Variants in TMPRSS15 observed in about 807,000 individuals in gnomAD.
The protein encoded by TMPRSS15 is enteropeptidase.
TMPRSS15 carries 128 observed loss-of-function variants against 125.3 expected under a neutral mutation model. That is an observed-to-expected ratio of 1.02 (90% CI 0.89 to 1.18). The LOEUF (loss-of-function observed/expected upper bound fraction) is 1.18, where lower values mean the gene tolerates loss of function less well. Ranked by LOEUF, TMPRSS15 falls within the 50% of genes most tolerant of loss-of-function variation. The probability of loss-of-function intolerance (pLI) is 0.00; values close to 1 mark genes in which losing one functional copy is unlikely to be tolerated. For synonymous variants in TMPRSS15, 446 were observed against 423.2 expected, an observed-to-expected ratio of 1.05 and a Z score of -0.66; for missense variants, 1,283 against 1,212.7, an observed-to-expected ratio of 1.06 and a Z score of -0.86.
At chr21:18,285,078 T>C (rs888224137) in intron 21 of TMPRSS15, among the ~76,000 whole-genome samples, 1 of 151,756 alleles carries the variant, frequency 6.6e-6, no homozygotes, top group African/African-American at 2.4e-5. Context: ...AAGCAAGACA[T>C]TTATCATAGT....
intron 18 of TMPRSS15, among the ~76,000 whole-genome samples, chr21:18,309,185 G>T (rs1464602760): frequency 6.6e-6 from 1 of 152,052 alleles, no homozygotes; most frequent in Non-Finnish European, 1.5e-5. Flanking sequence ...CCACAATGTT[G>T]GGAAAACTGG....
intron 16 of TMPRSS15, among the ~76,000 whole-genome samples, chr21:18,324,008 C>T (rs2075265739): frequency 6.6e-6 from 1 of 151,980 alleles, no homozygotes; most frequent in Non-Finnish European, 1.5e-5. Context: ...ACTTTTTCTG[C>T]TAAGAATTTT....
intron 18 of TMPRSS15, among the ~76,000 whole-genome samples, chr21:18,309,238 C>G (rs914977911): frequency 1.3e-5 from 2 of 152,086 alleles, no homozygotes; most frequent in African/African-American, 4.8e-5. Context: ...CTTTCTTACA[C>G]CTTATACAAA....
chr21:18,323,642 T>C (rs1372714041), intron 16 of TMPRSS15, among the ~76,000 whole-genome samples: 2 of 152,152 alleles, frequency 1.3e-5, no homozygotes, highest in Non-Finnish European at 2.9e-5. Context: ...TAGAGCACAG[T>C]ATTTTTTTAA....
intron 5 of TMPRSS15, among the ~76,000 whole-genome samples, chr21:18,373,111 GGTT>G (rs2075809203): frequency 1.3e-5 from 2 of 151,076 alleles, no homozygotes; most frequent in African/African-American, 4.9e-5. Context: ...TTTTCTTTTT[GGTT>G]GTTGTTCTTA....
At chr21:18,364,791 T>C (rs1201599611) in intron 7 of TMPRSS15, among the ~76,000 whole-genome samples, 1 of 152,148 alleles carries the variant, frequency 6.6e-6, no homozygotes, top group African/African-American at 2.4e-5. Flanking sequence ...GAAAATATTT[T>C]ATAGACAAAT....
At chr21:18,352,840 T>C in intron 10 of TMPRSS15, 63 bp downstream of exon 10, 1 of 1,556,186 alleles carries the variant, frequency 6.4e-7, no homozygotes. Context: ...GTACAACACA[T>C]ACCTCTTTCC....
At chr21:18,393,925 C>CT in intron 3 of TMPRSS15, among the ~76,000 whole-genome samples, 1 of 152,234 alleles carries the variant, frequency 6.6e-6, no homozygotes, top group East Asian at 1.9e-4. Context: ...TAATAAAAGA[C>CT]TTTCTCTTAA....
chr21:18,430,816 G>A (rs1300677826), intron 1 of TMPRSS15, among the ~76,000 whole-genome samples: 1 of 152,094 alleles, frequency 6.6e-6, no homozygotes, highest in Non-Finnish European at 1.5e-5. Flanking sequence ...ATGCACTCTG[G>A]TCCACAATAT....
At chr21:18,372,146 T>C (rs764265874) in intron 6 of TMPRSS15, 47 bp downstream of exon 6, 2 of 1,090,814 alleles carry the variant, frequency 1.8e-6, no homozygotes, top group Non-Finnish European at 2.6e-6. Context: ...GTGTCTACAG[T>C]GAGGGAGGAT....
At chr21:18,428,331 TAGAA>T (rs1300485057) in intron 1 of TMPRSS15, among the ~76,000 whole-genome samples, 4 of 152,130 alleles carry the variant, frequency 2.6e-5, no homozygotes, top group Non-Finnish European at 5.9e-5. Context: ...GACAATTTGA[TAGAA>T]AGGAAAAACC....
Position 18,269,408 on chromosome 21 carries a change from G to C in TMPRSS15, c.*561C>G, listed in dbSNP as rs1429215706. 6.5e-6 allele frequency: 1 copy of C among 152,742 alleles called. No individual in the cohort carries two copies. The highest frequency in any genetic ancestry group is 1.5e-5 in the Non-Finnish European group (1 of 68,546). 9.5% of individuals were successfully genotyped at this position (152,742 alleles called of 1,614,324 possible). ...TAAAATCAATTTAGTCCAGGCCTGT[G>C]ACATAAGCTTACAATAAATAGTTTC... On this transcript the variant is annotated 3_prime_UTR_variant, in exon 25 of 25. Coordinates refer to ENST00000284885, the MANE Select transcript of TMPRSS15 (RefSeq NM_002772.3).
intron 19 of TMPRSS15, among the ~76,000 whole-genome samples, chr21:18,295,606 A>G (rs2074896766): frequency 6.6e-6 from 1 of 152,242 alleles, no homozygotes; most frequent in South Asian, 2.1e-4. Flanking sequence ...TCAGGAAAAT[A>G]TATGATAAAG....
chr21:18,437,305 A>G (rs1229132280), intron 1 of TMPRSS15, among the ~76,000 whole-genome samples: 1 of 152,114 alleles, frequency 6.6e-6, no homozygotes. Context: ...CCTTCCTTAC[A>G]TCTTATACAA....
chr21:18,337,502 C>T (rs2244884), intron 13 of TMPRSS15, among the ~76,000 whole-genome samples: 35,097 of 152,050 alleles, frequency 0.23, 4,230 homozygotes, highest in Non-Finnish European at 0.25. Context: ...GTGTACTCAG[C>T]GCAATCCCCA....
Position 18,481,296 on chromosome 21 carries a change from A to G in TMPRSS15, c.10+4503T>C, listed in dbSNP as rs576155615. On this transcript the variant is annotated intron_variant, in intron 1 of 7. Coordinates refer to the TMPRSS15 transcript ENST00000422787. ...GCAAATTACTGGCTTTGACTGCCTC[A>G]ATTGAGTGTTGTCAGGATAAAATAG... 4.6e-5 allele frequency among the ~76,000 whole-genome samples: 7 copies of G among 151,938 alleles called. No individual in the cohort carries two copies. The East Asian group carries it at 1.2e-3, about 25-fold the overall frequency.
intron 21 of TMPRSS15, among the ~76,000 whole-genome samples, chr21:18,293,304 G>A (rs994811220): frequency 2.6e-5 from 4 of 152,076 alleles, no homozygotes; most frequent in African/African-American, 7.2e-5. Flanking sequence ...CGGCTGCCTC[G>A]TCCATGCCCG....
At chr21:18,291,104 C>T (rs544741854) in intron 21 of TMPRSS15, among the ~76,000 whole-genome samples, 3 of 152,302 alleles carry the variant, frequency 2.0e-5, no homozygotes, top group African/African-American at 7.2e-5. Context: ...TTGCATGAAT[C>T]GCAGTAGGCA....
chr21:18,328,425 G>A (rs981714511), intron 15 of TMPRSS15, among the ~76,000 whole-genome samples: 2 of 152,088 alleles, frequency 1.3e-5, no homozygotes. Context: ...AATAAAAACT[G>A]ATTTAAGAGC....
Sources: allele counts gnomAD v4.1 joint callset (sites outside exome capture counted in the v4.1 genomes callset), GRCh38; gene constraint gnomAD v4.1.1; transcripts MANE v1.5; gene names NCBI Gene and HGNC (gene_info 2026-07-23, HGNC 2026-07-21).